Variants in SFMBT1 observed in about 807,000 individuals in gnomAD.
SFMBT1 encodes the protein scm-like with four MBT domains protein 1.
Under a neutral mutation model 108.7 loss-of-function variants are expected in SFMBT1, and 32 were observed. That is an observed-to-expected ratio of 0.29 (90% CI 0.22 to 0.40). The LOEUF (loss-of-function observed/expected upper bound fraction) is 0.40. Ranked by LOEUF, SFMBT1 falls within the 10% of genes least tolerant of loss-of-function variation. The probability of loss-of-function intolerance (pLI) is 1.00; values close to 1 mark genes in which losing one functional copy is unlikely to be tolerated. For synonymous variants in SFMBT1, 348 were observed against 369.5 expected, an observed-to-expected ratio of 0.94 and a Z score of 0.67; for missense variants, 816 against 1,059.6, an observed-to-expected ratio of 0.77 and a Z score of 3.19.
At position 52,930,377 on chromosome 3, in the gene SFMBT1, A is replaced by C. The variant is rs1237153338; in HGVS notation, c.849T>G (p.Ala283=). The C allele has an allele frequency of 6.8e-6, 11 of 1,613,704 alleles. No homozygotes were observed. In the Admixed American group the frequency reaches 1.8e-4, roughly 27 times the overall value. The change falls in exon 8 of 21, where the codon GCT becomes GCG. Residue 283 remains alanine (A), a synonymous_variant. Transcript: ENST00000394752. ...TCCCAAAAGGAGACCAGGGGTCTAC[A>C]GCTTCCAATTTCATGTTTACAGAGA... ...HTFSVNMKLE[A]VDPWSPFGIS...
At position 53,016,292 on chromosome 3, in the gene SFMBT1, T is replaced by C. The variant is rs1239400820; in HGVS notation, c.-131+29524A>G. Among the ~76,000 whole-genome samples the C allele has an allele frequency of 2.6e-5, 4 of 152,188 alleles. No homozygotes were observed. The East Asian group carries it at 7.7e-4, about 29-fold the overall frequency. The stretch of plus-strand genomic sequence containing the variant: ...CTAATAACACTTACCATCATAGTCT[T>C]GATCATGGATTGCGGTGCGAACCTC... On this transcript the variant is annotated intron_variant, in intron 1 of 20. Transcript: ENST00000394752.
At position 52,906,238 on chromosome 3, in the gene SFMBT1, T is replaced by C. The variant is rs202194528; in HGVS notation, c.2335A>G (p.Ile779Val). Residue 779 changes from isoleucine (I) to valine (V), a missense_variant, in exon 20 of 21, where the codon ATA becomes GTA. Physicochemically the swap from Ile to Val is conservative, Grantham distance 29. Transcript: ENST00000394752. The part of the protein sequence containing the change: ...DENKPPSPKE[I>V]RIEVAERLHL... Reference sequence around the variant, plus strand: ...AGCCTTTCAGCAACTTCGATCCTTATTTCCTTCATTCCCCACAACACAATC... The same window carrying C: ...AGCCTTTCAGCAACTTCGATCCTTACTTCCTTCATTCCCCACAACACAATC... The C allele has an allele frequency of 1.2e-6, 2 of 1,614,090 alleles. No homozygotes were observed. Among genetic ancestry groups the C allele is most frequent in the East Asian group, 4.5e-5 (2 of 44,874 alleles).
chr3:52,927,770 A>G (rs1702702743), intron 9 of SFMBT1, among the ~76,000 whole-genome samples: 1 of 152,166 alleles, frequency 6.6e-6, no homozygotes, highest in Non-Finnish European at 1.5e-5. Context: ...AGACACCTAA[A>G]GATAATCAGT....
At chr3:52,907,405 A>C in intron 18 of SFMBT1, 91 bp from the exon 19 acceptor site, 1 of 1,524,722 alleles carries the variant, frequency 6.6e-7, no homozygotes, top group South Asian at 1.3e-5. Context: ...AAAGAAAAGA[A>C]ATTCAGGACA....
intron 1 of SFMBT1, among the ~76,000 whole-genome samples, chr3:53,002,783 A>G (rs1438701154): frequency 6.6e-6 from 1 of 150,434 alleles, no homozygotes; most frequent in Non-Finnish European, 1.5e-5. Context: ...AGCAAGTCAT[A>G]TGATATTCAT....
At chr3:52,998,634 C>T (rs1241133373) in intron 1 of SFMBT1, among the ~76,000 whole-genome samples, 1 of 150,316 alleles carries the variant, frequency 6.7e-6, no homozygotes, top group South Asian at 2.1e-4. Flanking sequence ...CCAGCGCCCA[C>T]CCACCTGGGC....
intron 1 of SFMBT1, among the ~76,000 whole-genome samples, chr3:52,985,230 A>G (rs1704864713): frequency 6.6e-6 from 1 of 152,234 alleles, no homozygotes; most frequent in Non-Finnish European, 1.5e-5. Flanking sequence ...AAAAGATTAT[A>G]GGAAAAGACC....
At chr3:52,937,942 T>C (rs1171031311) in intron 4 of SFMBT1, among the ~76,000 whole-genome samples, 1 of 152,178 alleles carries the variant, frequency 6.6e-6, no homozygotes, top group East Asian at 1.9e-4. Context: ...TATCATCATA[T>C]CCTTGAGCTC....
chr3:52,963,818 A>T (rs1391201237), intron 2 of SFMBT1, among the ~76,000 whole-genome samples: 3 of 152,218 alleles, frequency 2.0e-5, no homozygotes, highest in African/African-American at 7.2e-5. Flanking sequence ...AGCAAAAACT[A>T]TAAAGAAATC....
At chr3:52,968,291 A>T (rs1704216005) in intron 2 of SFMBT1, among the ~76,000 whole-genome samples, 1 of 152,172 alleles carries the variant, frequency 6.6e-6, no homozygotes, top group South Asian at 2.1e-4. Flanking sequence ...CAGGGGAAGG[A>T]GGATAGGTGT....
chr3:52,988,344 T>C (rs1374921290), intron 1 of SFMBT1, among the ~76,000 whole-genome samples: 3 of 152,222 alleles, frequency 2.0e-5, no homozygotes, highest in Admixed American at 6.5e-5. Context: ...TTATCAGTTA[T>C]AAATATTGAG....
chr3:53,009,980 A>G (rs1270645179), intron 1 of SFMBT1, among the ~76,000 whole-genome samples: 1 of 152,182 alleles, frequency 6.6e-6, no homozygotes, highest in Non-Finnish European at 1.5e-5. Flanking sequence ...GGCAGAAGAA[A>G]ATCCACATAA....
At chr3:52,981,191 C>G (rs1440485869) in intron 1 of SFMBT1, among the ~76,000 whole-genome samples, 1 of 150,612 alleles carries the variant, frequency 6.6e-6, no homozygotes, top group African/African-American at 2.4e-5. Flanking sequence ...GGTGAAGGAT[C>G]TAAAGCTGGA....
At chr3:52,985,575 A>C (rs1440972643) in intron 1 of SFMBT1, among the ~76,000 whole-genome samples, 1 of 152,222 alleles carries the variant, frequency 6.6e-6, no homozygotes, top group Non-Finnish European at 1.5e-5. Context: ...GATGAGGAAA[A>C]GTTAACATGT....
intron 1 of SFMBT1, among the ~76,000 whole-genome samples, chr3:53,003,759 C>A (rs75447266): frequency 4.9e-3 from 403 of 81,482 alleles, no homozygotes; most frequent in Admixed American, 5.5e-3. Context: ...ATAGAAAGGT[C>A]AAAAAAAAAA....
chr3:52,957,476 A>C (rs1703818424), intron 2 of SFMBT1, among the ~76,000 whole-genome samples: 1 of 152,110 alleles, frequency 6.6e-6, no homozygotes, highest in East Asian at 1.9e-4. Flanking sequence ...AACAAATTTC[A>C]CAGGAAACCA....
chr3:52,947,111 T>C (rs1703395457), intron 3 of SFMBT1, among the ~76,000 whole-genome samples: 2 of 149,768 alleles, frequency 1.3e-5, no homozygotes, highest in Admixed American at 1.3e-4. Flanking sequence ...CTATTTTCAG[T>C]CTTTTTCACT....
chr3:52,959,987 A>C (rs1310964480), intron 2 of SFMBT1, among the ~76,000 whole-genome samples: 1 of 152,008 alleles, frequency 6.6e-6, no homozygotes, highest in African/African-American at 2.4e-5. Flanking sequence ...AAGGAGGTAA[A>C]TATAAGGATG....
intron 1 of SFMBT1, among the ~76,000 whole-genome samples, chr3:52,998,151 C>T (rs1358032750): frequency 1.3e-5 from 2 of 150,074 alleles, no homozygotes; most frequent in Non-Finnish European, 3.0e-5. Context: ...CACGGTGGCT[C>T]ACGCCTGTAA....
Sources: gnomAD v4.1 joint callset for allele counts (sites outside exome capture counted in the v4.1 genomes callset) on GRCh38, gnomAD v4.1.1 for gene constraint, MANE v1.5 for transcripts, NCBI Gene and HGNC (gene_info 2026-07-23, HGNC 2026-07-21) for gene names.